The following ERI1 variants were observed in gnomAD, a reference collection of about 807,000 sequenced individuals.
The protein encoded by ERI1 is exoribonuclease 1.
ERI1 carries 39 observed loss-of-function variants against 39.7 expected under a neutral mutation model. The observed-to-expected ratio is 0.98, with a 90% CI of 0.76 to 1.28. The LOEUF (loss-of-function observed/expected upper bound fraction) is 1.28, where lower values mean the gene tolerates loss of function less well. Among genes scored for constraint, ERI1 ranks in the 50% most tolerant of loss-of-function variants. The probability of loss-of-function intolerance (pLI) is 0.00; values close to 1 mark genes in which losing one functional copy is unlikely to be tolerated. For synonymous variants in ERI1, 204 were observed against 149.6 expected, an observed-to-expected ratio of 1.36 and a Z score of -2.65; for missense variants, 581 against 416.9, an observed-to-expected ratio of 1.39 and a Z score of -3.43.
chr8:9,029,468 A>G (rs1296513665), intron 6 of ERI1, among the ~76,000 whole-genome samples: 1 of 152,052 alleles, frequency 6.6e-6, no homozygotes, highest in Non-Finnish European at 1.5e-5. Flanking sequence ...AGCTGGCATT[A>G]CAGATGTGCA....
chr8:9,007,935 C>CTTTTT lies in ERI1; in HGVS notation c.109-10_109-6dup, dbSNP rs556702690. 5.5e-5 allele frequency: 53 copies of CTTTTT among 969,280 alleles called. 6 individuals carry two copies. The highest frequency in any genetic ancestry group is 4.0e-4 in the South Asian group (23 of 57,614). The allele number at this position is 969,280 out of a possible 1,614,324, so 60.0% of individuals were successfully genotyped here. On this transcript the variant is annotated intron_variant, in intron 1 of 6. Transcript: ENST00000250263. Reference sequence around the variant, plus strand: ...GTTTGTACTAATTATAAACTACATCCTTTTTTTTTTTTTTTTTTTTTTTTT... The same window carrying CTTTTT: ...GTTTGTACTAATTATAAACTACATCCTTTTTTTTTTTTTTTTTTTTTTTTTTTTTT...
rs990956988 is a variant in ERI1, at chr8:9,056,101, C to T, written n.299+35637C>T. Among the ~76,000 whole-genome samples, 4 of 152,204 alleles carry T rather than the reference C, an allele frequency of 2.6e-5. No individual in the cohort carries two copies. In the South Asian group the frequency reaches 8.3e-4, roughly 31 times the overall value. ...GAAGCTCTGGGATCTCACAGGGTGCCTATGTGCTATGGGTTCCTGGAGCTT... is the reference window on the plus strand; with the variant it reads ...GAAGCTCTGGGATCTCACAGGGTGCTTATGTGCTATGGGTTCCTGGAGCTT... On this transcript the variant is annotated intron_variant and non_coding_transcript_variant, in intron 3 of 3. Coordinates refer to the ERI1 transcript ENST00000518663.
chr8:9,009,429 C>A (rs1029082108), intron 2 of ERI1, among the ~76,000 whole-genome samples: 1 of 152,178 alleles, frequency 6.6e-6, no homozygotes, highest in African/African-American at 2.4e-5. Context: ...AAAAAAATAA[C>A]AGAAACTTTT....
At chr8:9,020,680 C>T (rs1475152708) in intron 6 of ERI1, among the ~76,000 whole-genome samples, 1 of 152,080 alleles carries the variant, frequency 6.6e-6, no homozygotes, top group Non-Finnish European at 1.5e-5. Flanking sequence ...ACTATATATA[C>T]CTGACAAGTT....
intron 1 of ERI1, among the ~76,000 whole-genome samples, chr8:9,005,187 A>G (rs1440968266): frequency 6.6e-6 from 1 of 152,312 alleles, no homozygotes; most frequent in East Asian, 1.9e-4. Flanking sequence ...GTTTTTTTTC[A>G]GTGTGCAGAT....
At chr8:9,040,349 T>G (rs1585251929) in intron 3 of ERI1, among the ~76,000 whole-genome samples, 2 of 152,198 alleles carry the variant, frequency 1.3e-5, no homozygotes, top group East Asian at 3.9e-4. Context: ...CACAAAGCCC[T>G]AAGGCCTTAA....
chr8:9,078,108 G>T lies in ERI1; in HGVS notation n.300-38240G>T, dbSNP rs546117095. On this transcript the variant is annotated intron_variant and non_coding_transcript_variant, in intron 3 of 3. Transcript: ENST00000518663. Reference sequence around the variant, plus strand: ...GGGTTCAAGTGATTCTCCCGCCTCAGCCTCCCGAGTAGCTGGGACGACATG... The same window carrying T: ...GGGTTCAAGTGATTCTCCCGCCTCATCCTCCCGAGTAGCTGGGACGACATG... Among the ~76,000 whole-genome samples, 6 of 152,294 alleles carry T rather than the reference G, an allele frequency of 3.9e-5. No homozygotes were observed. The South Asian group carries it at 1.2e-3, about 32-fold the overall frequency.
intron 3 of ERI1, chr8:9,062,833 T>C (rs965376507): frequency 4.6e-5 from 7 of 151,978 alleles, no homozygotes; most frequent in Non-Finnish European, 8.8e-5. Flanking sequence ...AGATGGGACG[T>C]GGCTTAGGAG....
At position 9,077,732 on chromosome 8, in the gene ERI1, G is replaced by A. The variant is rs1799251843; in HGVS notation, n.300-38616G>A. Among the ~76,000 whole-genome samples, 5 of 152,290 alleles carry A rather than the reference G, an allele frequency of 3.3e-5. No individual in the cohort carries two copies. In the South Asian group the frequency reaches 1.0e-3, roughly 32 times the overall value. The stretch of plus-strand genomic sequence containing the variant: ...TATTTTCCTGAGTTAAGCTTCCCTG[G>A]CTGATGATTGCATTCCTCTGGAGGA... On this transcript the variant is annotated intron_variant and non_coding_transcript_variant, in intron 3 of 3. Coordinates refer to the ERI1 transcript ENST00000518663.
intron 3 of ERI1, among the ~76,000 whole-genome samples, chr8:9,067,143 G>A (rs986042649): frequency 4.6e-5 from 7 of 152,104 alleles, no homozygotes; most frequent in Non-Finnish European, 8.8e-5. Context: ...ATCGTTTTGG[G>A]AACACTAAAG....
At chr8:9,040,422 C>T (rs1045902974) in intron 3 of ERI1, among the ~76,000 whole-genome samples, 7 of 152,256 alleles carry the variant, frequency 4.6e-5, no homozygotes, top group Admixed American at 3.9e-4. Flanking sequence ...TCGCTAACGC[C>T]TTGGGGCAGC....
downstream of ERI1, among the ~76,000 whole-genome samples, chr8:9,036,420 A>G (rs910550702): frequency 1.3e-5 from 2 of 152,216 alleles, no homozygotes; most frequent in African/African-American, 4.8e-5. Flanking sequence ...ACCAGCAAAA[A>G]GATTATGGCT....
At chr8:9,095,349 G>C (rs554026867) in intron 3 of ERI1, among the ~76,000 whole-genome samples, 3 of 152,004 alleles carry the variant, frequency 2.0e-5, no homozygotes, top group Non-Finnish European at 4.4e-5. Flanking sequence ...AGTCCTTCCC[G>C]TTCTCTCTAC....
chr8:9,045,860 G>A (rs932242711), intron 3 of ERI1, among the ~76,000 whole-genome samples: 4 of 151,788 alleles, frequency 2.6e-5, no homozygotes, highest in African/African-American at 9.7e-5. Flanking sequence ...TGTATTTTTA[G>A]TAGAGATGGG....
intron 3 of ERI1, among the ~76,000 whole-genome samples, chr8:9,012,090 A>G (rs1816733904): frequency 6.6e-6 from 1 of 152,188 alleles, no homozygotes; most frequent in Non-Finnish European, 1.5e-5. Context: ...ATTCTAATTT[A>G]GTTCTCTGAT....
chr8:9,084,709 C>G (rs1431540758), intron 3 of ERI1, among the ~76,000 whole-genome samples: 1 of 152,090 alleles, frequency 6.6e-6, no homozygotes, highest in African/African-American at 2.4e-5. Flanking sequence ...CCCTCTTTTT[C>G]CAAGGAGTTT....
intron 1 of ERI1, among the ~76,000 whole-genome samples, chr8:9,006,000 C>T (rs1226861772): frequency 6.6e-6 from 1 of 152,188 alleles, no homozygotes; most frequent in African/African-American, 2.4e-5. Context: ...GAATCTATCA[C>T]TTTTCTCATT....
chr8:9,086,149 C>T (rs962302114), intron 3 of ERI1, among the ~76,000 whole-genome samples: 1 of 152,156 alleles, frequency 6.6e-6, no homozygotes, highest in Admixed American at 6.5e-5. Context: ...TGTGGTGGCT[C>T]ACACCTATAA....
In ERI1 at chr8:9,007,975, T is replaced by G. The variant is rs371046222; in HGVS notation, c.114T>G (p.Thr38=). The G allele has an allele frequency of 5.5e-5, 39 of 708,966 alleles. No homozygotes were observed. The East Asian group carries it at 1.6e-3, about 29-fold the overall frequency. 43.9% of individuals were successfully genotyped at this position (708,966 alleles called of 1,614,324 possible). A position where few individuals can be genotyped will look rare whatever the true frequency, so the allele number is the denominator to read the frequency against. Residue 38 remains threonine (T), a synonymous_variant, in exon 2 of 7, where the codon ACT becomes ACG. Coordinates refer to ENST00000250263, the MANE Select transcript of ERI1 (RefSeq NM_153332.4). ...TTTTTTTTTTTTTTTGGTAGGAAACTCAACAGTGTAAATTTGATGGCCAGG... is the reference window on the plus strand; with the variant it reads ...TTTTTTTTTTTTTTTGGTAGGAAACGCAACAGTGTAAATTTGATGGCCAGG... ...EEPPRPSPEE[T]QQCKFDGQET... is the part of the protein sequence containing the mutation.
Sources: allele counts gnomAD v4.1 joint callset (sites outside exome capture counted in the v4.1 genomes callset), GRCh38; gene constraint gnomAD v4.1.1; transcripts MANE v1.5; gene names NCBI Gene and HGNC (gene_info 2026-07-23, HGNC 2026-07-21).